BANK1: variants seen among roughly 807,000 people sequenced by gnomAD.
BANK1 encodes B cell scaffold protein with ankyrin repeats 1, also known as B-cell scaffold protein with ankyrin repeats.
BANK1 carries 95 observed loss-of-function variants against 94.5 expected under a neutral mutation model. The ratio of observed to expected loss-of-function variants is 1.00; its 90% CI spans 0.85 to 1.19. The LOEUF is 1.19. Ranked by LOEUF, BANK1 falls within the 50% of genes most tolerant of loss-of-function variation. The pLI is 0.00. For missense variants in BANK1, 987 were observed against 932.2 expected (o/e 1.06, Z -0.77); for synonymous variants, 334 against 308.4 (o/e 1.08, Z -0.87).
chr4:101,945,706 A>G (rs1009088072), intron 7 of BANK1, among the ~76,000 whole-genome samples: 3 of 151,908 alleles, frequency 2.0e-5, no homozygotes, highest in Non-Finnish European at 2.9e-5. Context: ...TATCCTGAGT[A>G]TTTAGAACCA....
At chr4:102,024,652 CT>C (rs1229125272) in intron 8 of BANK1, among the ~76,000 whole-genome samples, 1 of 151,874 alleles carries the variant, frequency 6.6e-6, no homozygotes, top group East Asian at 1.9e-4. Context: ...AAAAAATTAA[CT>C]TTTCCCAAGT....
intron 5 of BANK1, among the ~76,000 whole-genome samples, chr4:101,872,714 T>C (rs1728339274): frequency 1.3e-5 from 2 of 152,110 alleles, no homozygotes; most frequent in Admixed American, 1.3e-4. Context: ...TGGTCGGGCA[T>C]GGTAACTCAC....
chr4:101,883,095 T>C (rs181700011), intron 5 of BANK1, among the ~76,000 whole-genome samples: 33 of 152,318 alleles, frequency 2.2e-4, no homozygotes, highest in Admixed American at 1.3e-4. Context: ...CTATTGAAGC[T>C]TGTATTTTAC....
chr4:101,879,574 G>T (rs750540627), intron 5 of BANK1, among the ~76,000 whole-genome samples: 5 of 151,722 alleles, frequency 3.3e-5, no homozygotes, highest in African/African-American at 7.3e-5. Context: ...GAGGGGGAAG[G>T]AACACTTCCA....
At chr4:101,821,109 T>C (rs906384390) in intron 1 of BANK1, among the ~76,000 whole-genome samples, 1 of 152,202 alleles carries the variant, frequency 6.6e-6, no homozygotes, top group South Asian at 2.1e-4. Flanking sequence ...CTCGCCAGCA[T>C]CTGTTATTTT....
chr4:101,827,151 A>G (rs1317596587), intron 1 of BANK1, among the ~76,000 whole-genome samples: 1 of 151,916 alleles, frequency 6.6e-6, no homozygotes, highest in African/African-American at 2.4e-5. Flanking sequence ...GAAGAAAAAG[A>G]AAGCCATATA....
chr4:102,035,377 G>C (rs1378094401), intron 10 of BANK1, among the ~76,000 whole-genome samples: 3 of 151,734 alleles, frequency 2.0e-5, no homozygotes, highest in African/African-American at 7.3e-5. Context: ...GGCCAGGCAC[G>C]GTGGCTCACG....
rs567905596 is a variant in BANK1 at position 102,009,975 on chromosome 4, T to C, written c.1207-11539T>C. ...GTTTTTGAATAAGTAAGTTAAAAAT[T>C]GAAGTCTGTGGCTGGGTGCCGTGGC... On this transcript the variant is annotated intron_variant, in intron 7 of 16. Transcript: ENST00000322953. Among the ~76,000 whole-genome samples the C allele has an allele frequency of 3.3e-5, 5 of 152,258 alleles. No homozygotes were observed. In the South Asian group the frequency reaches 1.0e-3, roughly 32 times the overall value.
chr4:101,927,177 G>A (rs1443690199), intron 7 of BANK1, among the ~76,000 whole-genome samples: 1 of 151,732 alleles, frequency 6.6e-6, no homozygotes, highest in Non-Finnish European at 1.5e-5. Flanking sequence ...AATCATGGCG[G>A]AAGGGGAAGC....
chr4:102,028,731 T>C (rs1213812843), intron 9 of BANK1, among the ~76,000 whole-genome samples: 1 of 152,174 alleles, frequency 6.6e-6, no homozygotes, highest in African/African-American at 2.4e-5. Flanking sequence ...CAAAAATATT[T>C]TAACATATTC....
Position 101,847,198 on chromosome 4 carries a change from A to AGTGT in BANK1, c.470-7802_470-7799dup, listed in dbSNP as rs10542109. 1.4e-3 allele frequency among the ~76,000 whole-genome samples: 202 copies of AGTGT among 147,820 alleles called. 1 individual carries two copies. The highest frequency in any genetic ancestry group is 7.5e-3 in the South Asian group (34 of 4,514). On this transcript the variant is annotated intron_variant, in intron 2 of 16. Transcript: ENST00000322953. ...TATTGCCTGCCTCTTGGGTTGGCAGAGTGTGTGTGTGTGTGTGTGTGTGTG... is the reference window on the plus strand; with the variant it reads ...TATTGCCTGCCTCTTGGGTTGGCAGAGTGTGTGTGTGTGTGTGTGTGTGTGTGTG...
chr4:101,829,632 A>G (rs1485261290), intron 1 of BANK1, among the ~76,000 whole-genome samples, 176 bp from the exon 2 acceptor site: 2 of 151,798 alleles, frequency 1.3e-5, no homozygotes, highest in Non-Finnish European at 2.9e-5. Context: ...CTTGTCTTTG[A>G]ATTCTAGTTT....
intron 7 of BANK1, among the ~76,000 whole-genome samples, chr4:101,951,375 T>C (rs1364868029): frequency 1.3e-5 from 2 of 152,130 alleles, no homozygotes; most frequent in African/African-American, 4.8e-5. Flanking sequence ...TTATATTCAA[T>C]AATCATGTTG....
intron 5 of BANK1, among the ~76,000 whole-genome samples, chr4:101,879,872 A>C (rs748858903): frequency 1.3e-5 from 2 of 152,118 alleles, no homozygotes; most frequent in Non-Finnish European, 2.9e-5. Context: ...CTGAAAAAGT[A>C]TTTGGTAAAA....
In BANK1 at chr4:101,839,977, T is replaced by A. The variant is rs1206230872; in HGVS notation, c.469+9771T>A. Among the ~76,000 whole-genome samples the A allele has an allele frequency of 1.0e-3, 69 of 68,092 alleles. 2 individuals are homozygous for A. The highest frequency in any genetic ancestry group is 3.2e-3 in the African/African-American group (58 of 18,042). 44.7% of individuals were successfully genotyped at this position (68,092 alleles called of 152,430 possible). ...TTTTTTTTTTTTTTTTTTTTTTTTT[T>A]TTTTTTTTTGAGACAGAGTCTCGCT... On this transcript the variant is annotated intron_variant, in intron 2 of 16. Coordinates refer to ENST00000322953, the MANE Select transcript of BANK1 (RefSeq NM_017935.5).
Position 101,992,979 on chromosome 4 carries a change from C to T in BANK1, c.1207-28535C>T, listed in dbSNP as rs1050904838. 2.6e-5 allele frequency among the ~76,000 whole-genome samples: 4 copies of T among 152,172 alleles called. No homozygotes were observed. In the East Asian group the frequency reaches 7.7e-4, roughly 29 times the overall value. ...AGACAGTCTCAGGTCGATCACCCTA[C>T]AGTCGTCCTAAATGTGTAGGTTCAC... On this transcript the variant is annotated intron_variant, in intron 7 of 16. Coordinates refer to ENST00000322953, the MANE Select transcript of BANK1 (RefSeq NM_017935.5).
At chr4:101,956,267 A>G (rs1239840156) in intron 7 of BANK1, among the ~76,000 whole-genome samples, 1 of 152,176 alleles carries the variant, frequency 6.6e-6, no homozygotes, top group Non-Finnish European at 1.5e-5. Flanking sequence ...AAAGTGAACT[A>G]AGTGACCTCT....
intron 2 of BANK1, 120 bp from the exon 3 acceptor site, chr4:101,854,915 T>G: frequency 1.4e-6 from 1 of 690,676 alleles, no homozygotes; most frequent in South Asian, 2.3e-5. Context: ...TCAGCTATCT[T>G]AAACTCAGTT....
At chr4:101,793,802 G>A (rs746391910) in intron 1 of BANK1, among the ~76,000 whole-genome samples, 1 of 152,082 alleles carries the variant, frequency 6.6e-6, no homozygotes, top group Non-Finnish European at 1.5e-5. Context: ...CCTTTTCAGG[G>A]TCTTATAACA....
Sources: gnomAD v4.1 joint callset for allele counts (sites outside exome capture counted in the v4.1 genomes callset) on GRCh38, gnomAD v4.1.1 for gene constraint, MANE v1.5 for transcripts, NCBI Gene and HGNC (gene_info 2026-07-23, HGNC 2026-07-21) for gene names.